PPP2R2B: variants seen among roughly 807,000 people sequenced by gnomAD.
PPP2R2B encodes serine/threonine-protein phosphatase 2A 55 kDa regulatory subunit B beta isoform.
Under a neutral mutation model 46.0 loss-of-function variants are expected in PPP2R2B, and 5 were observed. The observed-to-expected ratio is 0.11, with a 90% CI of 0.06 to 0.23. PPP2R2B has a LOEUF of 0.23. Ranked by LOEUF, PPP2R2B falls within the 10% of genes least tolerant of loss-of-function variation. The pLI is 1.00. For synonymous variants in PPP2R2B, 215 were observed against 206.7 expected (o/e 1.04, Z -0.34); for missense variants, 367 against 575.0 (o/e 0.64, Z 3.70).
At chr5:147,055,878 C>A in exon 1 of PPP2R2B, 1 of 1,454,566 alleles carries the variant, frequency 6.9e-7, no homozygotes, top group Non-Finnish European at 9.0e-7. Flanking sequence ...AGCTGGGGTG[C>A]CCGAGGAATA....
At chr5:146,779,706 G>A (rs6874287) in intron 2 of PPP2R2B, among the ~76,000 whole-genome samples, 2,680 of 152,106 alleles carry the variant, frequency 0.018, 65 homozygotes, top group African/African-American at 0.059. Context: ...TCTCATCCCC[G>A]GGTTTAATTT....
At chr5:146,992,431 T>A (rs1157339205) in intron 1 of PPP2R2B, among the ~76,000 whole-genome samples, 1 of 152,238 alleles carries the variant, frequency 6.6e-6, no homozygotes, top group African/African-American at 2.4e-5. Flanking sequence ...CCATTGTCAT[T>A]CATACCTCTT....
chr5:146,891,574 T>A (rs1255643867), intron 1 of PPP2R2B, among the ~76,000 whole-genome samples: 3 of 152,196 alleles, frequency 2.0e-5, no homozygotes, highest in African/African-American at 7.2e-5. Flanking sequence ...CTAATGGAGG[T>A]ATATTCATTC....
At chr5:146,966,883 AATGTC>A (rs1437616374) in intron 1 of PPP2R2B, among the ~76,000 whole-genome samples, 3 of 152,158 alleles carry the variant, frequency 2.0e-5, no homozygotes, top group African/African-American at 7.2e-5. Context: ...TAGTGGGGGT[AATGTC>A]ACCACCCACA....
chr5:146,853,242 G>C (rs1760457701), intron 2 of PPP2R2B, among the ~76,000 whole-genome samples: 1 of 152,112 alleles, frequency 6.6e-6, no homozygotes, highest in South Asian at 2.1e-4. Context: ...CCCATATATT[G>C]CTGCAATCAT....
At chr5:146,651,769 G>C (rs569933781) in intron 5 of PPP2R2B, among the ~76,000 whole-genome samples, 1 of 152,342 alleles carries the variant, frequency 6.6e-6, no homozygotes, top group East Asian at 1.9e-4. Flanking sequence ...TTGATACCAG[G>C]TGGTAGATTA....
chr5:146,692,680 C>T (rs1036135152), intron 4 of PPP2R2B, among the ~76,000 whole-genome samples: 1 of 151,880 alleles, frequency 6.6e-6, no homozygotes. Flanking sequence ...ACTACAGGCA[C>T]CCACCACCAC....
rs1036518986 is a variant in PPP2R2B, at chr5:146,670,191, A to G, written c.448-19467T>C. Among the ~76,000 whole-genome samples, 4 of 152,140 alleles carry G rather than the reference A, an allele frequency of 2.6e-5. No individual in the cohort carries two copies. In the East Asian group the frequency reaches 7.7e-4, roughly 29 times the overall value. Reference sequence around the variant, plus strand: ...CATTACACAGAACAAATATTCAACAAATGTTTGTTGAATGAATTTAAAAGA... The same window carrying G: ...CATTACACAGAACAAATATTCAACAGATGTTTGTTGAATGAATTTAAAAGA... On this transcript the variant is annotated intron_variant, in intron 5 of 9. Transcript: ENST00000394411.
At chr5:146,884,098 T>C (rs1413910966) in intron 1 of PPP2R2B, among the ~76,000 whole-genome samples, 6 of 150,122 alleles carry the variant, frequency 4.0e-5, no homozygotes, top group African/African-American at 1.5e-4. Context: ...GGTTTTTTTT[T>C]TTTTTTTTTT....
chr5:146,744,835 C>T (rs1443886829), intron 2 of PPP2R2B, among the ~76,000 whole-genome samples: 3 of 152,174 alleles, frequency 2.0e-5, no homozygotes, highest in Admixed American at 1.3e-4. Context: ...AGATATTTAT[C>T]TCCTACTTTC....
intron 2 of PPP2R2B, among the ~76,000 whole-genome samples, chr5:146,729,268 G>C (rs1752082574): frequency 6.6e-6 from 1 of 152,198 alleles, no homozygotes; most frequent in Non-Finnish European, 1.5e-5. Context: ...GAACTTGAGA[G>C]AGATGATTTA....
rs190272339 is a variant in PPP2R2B, at chr5:146,678,224, A to C, written c.447+12904T>G. Among the ~76,000 whole-genome samples, 1,054 of 152,196 alleles carry C rather than the reference A, an allele frequency of 6.9e-3. 25 individuals carry two copies. The highest frequency in any genetic ancestry group is 0.042 in the Admixed American group (638 of 15,278). On this transcript the variant is annotated intron_variant, in intron 5 of 9. Coordinates refer to ENST00000394411, the MANE Select transcript of PPP2R2B (RefSeq NM_181675.4). ...CAAGTGGGCTTCATCCCTGGGATGCAAGGCTGGCTCAATATACGCAAATCA... is the reference window on the plus strand; with the variant it reads ...CAAGTGGGCTTCATCCCTGGGATGCCAGGCTGGCTCAATATACGCAAATCA...
intron 2 of PPP2R2B, among the ~76,000 whole-genome samples, chr5:146,806,405 A>C (rs1050114034): frequency 4.6e-5 from 7 of 152,184 alleles, no homozygotes; most frequent in African/African-American, 1.7e-4. Context: ...TCCAGGAAAT[A>C]GCTTGTGTAT....
At chr5:146,670,196 T>C (rs1340201926) in intron 5 of PPP2R2B, among the ~76,000 whole-genome samples, 1 of 152,286 alleles carries the variant, frequency 6.6e-6, no homozygotes, top group African/African-American at 2.4e-5. Context: ...CAACAAATGT[T>C]TGTTGAATGA....
chr5:146,638,298 C>T lies in PPP2R2B; in HGVS notation c.743G>A (p.Arg248Gln), dbSNP rs1774957250. Residue 248 changes from arginine (R) to glutamine (Q), a missense_variant, in exon 7 of 10, where the codon CGG becomes CAG. Coordinates refer to ENST00000394411, the MANE Select transcript of PPP2R2B (RefSeq NM_181675.4). ...FVYSSSKGTIRLCDMRASALC... is the reference protein window; with the variant it reads ...FVYSSSKGTIQLCDMRASALC... ...GGCAGATGCCCGCATGTCACACAGC[C>T]GGATTGTCCCTTTGCTGCTGCTGTA... 1 of 1,613,944 alleles carries T rather than the reference C, an allele frequency of 6.2e-7. No homozygotes were observed. The highest frequency in any genetic ancestry group is 8.5e-7 in the Non-Finnish European group (1 of 1,179,870).
At chr5:146,955,454 C>T (rs1751848335) in intron 1 of PPP2R2B, among the ~76,000 whole-genome samples, 1 of 152,106 alleles carries the variant, frequency 6.6e-6, no homozygotes, top group Admixed American at 6.6e-5. Flanking sequence ...TTAAATTGTT[C>T]TGTAATGAAA....
At chr5:146,624,032 G>A (rs1461595877) in intron 7 of PPP2R2B, among the ~76,000 whole-genome samples, 3 of 152,122 alleles carry the variant, frequency 2.0e-5, no homozygotes, top group Non-Finnish European at 4.4e-5. Flanking sequence ...CATGCAAGTC[G>A]TGAGGATGGT....
At chr5:146,794,714 C>T (rs1452273907) in intron 2 of PPP2R2B, among the ~76,000 whole-genome samples, 1 of 152,168 alleles carries the variant, frequency 6.6e-6, no homozygotes, top group African/African-American at 2.4e-5. Flanking sequence ...AATGCCATTA[C>T]CAACTGTTTG....
At chr5:146,675,979 G>A (rs953184270) in intron 5 of PPP2R2B, among the ~76,000 whole-genome samples, 1 of 152,050 alleles carries the variant, frequency 6.6e-6, no homozygotes, top group African/African-American at 2.4e-5. Flanking sequence ...GAGCTGTCAG[G>A]TTCTATGACC....
Sources: allele counts gnomAD v4.1 joint callset (sites outside exome capture counted in the v4.1 genomes callset), GRCh38; gene constraint gnomAD v4.1.1; transcripts MANE v1.5; gene names NCBI Gene and HGNC (gene_info 2026-07-23, HGNC 2026-07-21).